The following FOXP1 variants were observed in gnomAD, a reference collection of about 807,000 sequenced individuals.
FOXP1 encodes the protein forkhead box protein P1.
In FOXP1, 15 loss-of-function variants were observed where a neutral mutation model predicts 98.2. The ratio of observed to expected loss-of-function variants is 0.15; its 90% CI spans 0.10 to 0.24. The LOEUF (loss-of-function observed/expected upper bound fraction) is 0.24, where lower values mean the gene tolerates loss of function less well. Ranked by LOEUF, FOXP1 falls within the 10% of genes least tolerant of loss-of-function variation. The probability of loss-of-function intolerance (pLI) is 1.00; values close to 1 mark genes in which losing one functional copy is unlikely to be tolerated. For missense variants in FOXP1, 633 were observed against 848.5 expected (o/e 0.75, Z 3.15); for synonymous variants, 371 against 314.5 (o/e 1.18, Z -1.90).
intron 7 of FOXP1, among the ~76,000 whole-genome samples, chr3:71,089,232 A>G (rs1379968372): frequency 1.3e-5 from 2 of 152,206 alleles, no homozygotes; most frequent in Admixed American, 1.3e-4. Flanking sequence ...TTCCAAGGCT[A>G]GGTCACAACT....
chr3:71,552,992 T>C (rs2045882721), intron 2 of FOXP1, among the ~76,000 whole-genome samples: 1 of 152,124 alleles, frequency 6.6e-6, no homozygotes, highest in Admixed American at 6.5e-5. Flanking sequence ...ATTATTTTTA[T>C]TATTTTCATA....
chr3:71,173,889 T>C (rs2061781382), intron 6 of FOXP1, among the ~76,000 whole-genome samples: 1 of 152,102 alleles, frequency 6.6e-6, no homozygotes, highest in African/African-American at 2.4e-5. Flanking sequence ...AAGGATGAAA[T>C]GGGGAAGTTT....
intron 5 of FOXP1, among the ~76,000 whole-genome samples, chr3:71,217,143 G>A (rs1335273779): frequency 6.6e-6 from 1 of 152,120 alleles, no homozygotes; most frequent in Non-Finnish European, 1.5e-5. Flanking sequence ...CATGACCTCG[G>A]CTCACTGCAA....
intron 6 of FOXP1, among the ~76,000 whole-genome samples, chr3:71,174,824 A>ACACACACACACACC: frequency 6.7e-6 from 1 of 149,282 alleles, no homozygotes; most frequent in South Asian, 2.1e-4. Context: ...ACACACACAC[A>ACACACACACACACC]CACCCCAATA....
chr3:71,041,463 G>A lies in FOXP1; in HGVS notation c.734C>T (p.Thr245Ile), dbSNP rs766906735. Residue 245 changes from threonine to isoleucine, a missense_variant, in exon 11 of 21, where the codon ACA (threonine) becomes ATA (isoleucine). Thr to Ile is a moderately conservative substitution (Grantham distance 89). This residue lies in a region of FOXP1 where 210 missense variants were observed against 270.6 expected (regional missense o/e 0.78). Coordinates refer to ENST00000649528, the MANE Select transcript of FOXP1 (RefSeq NM_001349338.3). ...ATCCAAACTGCTGTGATTGTTGCCTGTGGTTTCTTCTGCAGTATGAGCACT... is the reference window on the plus strand; with the variant it reads ...ATCCAAACTGCTGTGATTGTTGCCTATGGTTTCTTCTGCAGTATGAGCACT... ...VTSAHTAEET[T>I]GNNHSSLDLT... is the part of the protein sequence containing the mutation. 9 of 1,613,800 alleles carry A rather than the reference G, an allele frequency of 5.6e-6. No individual in the cohort carries two copies. In the African/African-American group the frequency reaches 1.1e-4, roughly 19 times the overall value.
chr3:71,582,784 G>T, intron 1 of FOXP1: 1 of 985,344 alleles, frequency 1.0e-6, no homozygotes, highest in Non-Finnish European at 1.2e-6. Flanking sequence ...GGCTGGGGGT[G>T]CGCAGGTGCG....
At chr3:71,569,729 G>A (rs1439779214) in intron 2 of FOXP1, among the ~76,000 whole-genome samples, 1 of 151,898 alleles carries the variant, frequency 6.6e-6, no homozygotes, top group Non-Finnish European at 1.5e-5. Context: ...ATACAGTTAT[G>A]GATATCATTA....
At chr3:71,270,498 C>G (rs2070236436) in intron 5 of FOXP1, among the ~76,000 whole-genome samples, 1 of 152,134 alleles carries the variant, frequency 6.6e-6, no homozygotes, top group Non-Finnish European at 1.5e-5. Context: ...CCTAAAAAGT[C>G]AATCCCACAG....
At chr3:71,281,531 A>G (rs1274463246) in intron 5 of FOXP1, among the ~76,000 whole-genome samples, 1 of 152,224 alleles carries the variant, frequency 6.6e-6, no homozygotes, top group African/African-American at 2.4e-5. Flanking sequence ...GACATGGTGA[A>G]TACCTGACCG....
At chr3:71,565,700 C>A (rs965481583) in intron 2 of FOXP1, among the ~76,000 whole-genome samples, 3 of 152,070 alleles carry the variant, frequency 2.0e-5, no homozygotes, top group African/African-American at 7.2e-5. Context: ...TCCTGGGCGG[C>A]CATCTATTTA....
chr3:71,193,724 C>T (rs1026901141), intron 6 of FOXP1, among the ~76,000 whole-genome samples: 8 of 152,190 alleles, frequency 5.3e-5, no homozygotes, highest in Admixed American at 4.6e-4. Flanking sequence ...GCTGGGATTA[C>T]AGGCATGAGC....
At chr3:71,284,107 G>T (rs897157954) in intron 5 of FOXP1, among the ~76,000 whole-genome samples, 3 of 152,102 alleles carry the variant, frequency 2.0e-5, no homozygotes, top group Non-Finnish European at 2.9e-5. Flanking sequence ...ACAAAAAAAT[G>T]TTGAAACTCT....
intron 3 of FOXP1, among the ~76,000 whole-genome samples, chr3:71,405,642 A>G (rs2082264549): frequency 6.6e-6 from 1 of 152,222 alleles, no homozygotes; most frequent in Admixed American, 6.5e-5. Context: ...TGGGAAGGTT[A>G]TAAAAGGCCA....
chr3:71,431,882 T>A (rs191245034), intron 3 of FOXP1, among the ~76,000 whole-genome samples: 2 of 152,300 alleles, frequency 1.3e-5, no homozygotes, highest in East Asian at 3.9e-4. Context: ...AAACCAAAGC[T>A]ATAGAGTGAT....
rs540929066 is a variant in FOXP1 at position 70,970,700 on chromosome 3, C to T, written c.1722+36G>A. 5 of 1,497,792 alleles carry T rather than the reference C, an allele frequency of 3.3e-6. No homozygotes were observed. In the African/African-American group the frequency reaches 5.5e-5, roughly 17 times the overall value. The allele number at this position is 1,497,792 out of a possible 1,614,324, so 92.8% of individuals were successfully genotyped here. A position where few individuals can be genotyped will look rare whatever the true frequency, so the allele number is the denominator to read the frequency against. On this transcript the variant is annotated intron_variant, in intron 19 of 20. Transcript: ENST00000649528. ...TTGAAATGAGTAGGGGAGACCTGTG[C>T]CTCTGCTGCATATTCGGGACGGCCG... is the stretch of plus-strand genomic sequence containing the variant.
intron 6 of FOXP1, among the ~76,000 whole-genome samples, chr3:71,121,381 G>GA (rs982238343): frequency 4.0e-5 from 6 of 149,804 alleles, no homozygotes; most frequent in South Asian, 2.1e-4. Context: ...AAAAAAAAAG[G>GA]GGGGGGGGAT....
chr3:71,336,490 A>G (rs1413628613), intron 4 of FOXP1, among the ~76,000 whole-genome samples: 2 of 151,860 alleles, frequency 1.3e-5, no homozygotes, highest in Non-Finnish European at 2.9e-5. Context: ...TGTGTTCGAT[A>G]AAAACATGAA....
intron 7 of FOXP1, among the ~76,000 whole-genome samples, chr3:71,058,350 A>C (rs978030058): frequency 2.6e-5 from 4 of 152,206 alleles, no homozygotes; most frequent in Admixed American, 6.5e-5. Flanking sequence ...AAAAATGCTA[A>C]ACACTGTTTC....
Position 71,011,772 on chromosome 3 carries a change from C to A in FOXP1, c.974+3777G>T, listed in dbSNP as rs535837397. Among the ~76,000 whole-genome samples the A allele has an allele frequency of 2.0e-5, 3 of 152,244 alleles. No individual in the cohort carries two copies. The East Asian group carries it at 5.8e-4, about 29-fold the overall frequency. ...TCCAATTCCACTGAGCAAACAGGAA[C>A]TGAGAACATGTCGTGTCATGTGCAA... is the stretch of plus-strand genomic sequence containing the variant. On this transcript the variant is annotated intron_variant, in intron 12 of 20. Coordinates refer to ENST00000649528, the MANE Select transcript of FOXP1 (RefSeq NM_001349338.3).
Sources: gnomAD v4.1 joint callset for allele counts (sites outside exome capture counted in the v4.1 genomes callset) on GRCh38, gnomAD v4.1.1 for gene constraint, gnomAD v4.1.1 regional missense constraint, MANE v1.5 for transcripts, NCBI Gene and HGNC (gene_info 2026-07-23, HGNC 2026-07-21) for gene names.